TMED10: variants seen among roughly 807,000 people sequenced by gnomAD.
The protein encoded by TMED10 is transmembrane emp24 domain-containing protein 10.
TMED10 carries 7 observed loss-of-function variants against 23.1 expected under a neutral mutation model. The observed-to-expected ratio is 0.30, with a 90% CI of 0.17 to 0.57. The LOEUF (loss-of-function observed/expected upper bound fraction) is 0.57, where lower values mean the gene tolerates loss of function less well. Ranked by LOEUF, TMED10 falls within the 20% of genes least tolerant of loss-of-function variation. The probability of loss-of-function intolerance (pLI) is 0.91; values close to 1 mark genes in which losing one functional copy is unlikely to be tolerated. For synonymous variants in TMED10, 113 were observed against 106.9 expected (o/e 1.06, Z -0.35); for missense variants, 162 against 274.8 (o/e 0.59, Z 2.90).
chr14:75,152,511 A>G (rs1459583974), intron 1 of TMED10, among the ~76,000 whole-genome samples: 2 of 152,254 alleles, frequency 1.3e-5, no homozygotes, highest in African/African-American at 4.8e-5. Flanking sequence ...GTAGACAATT[A>G]TCAAAAGATT....
chr14:75,172,434 C>A (rs1485312888), intron 1 of TMED10, among the ~76,000 whole-genome samples: 1 of 151,922 alleles, frequency 6.6e-6, no homozygotes, highest in East Asian at 1.9e-4. Context: ...CAGCCTAGAG[C>A]AGCTGGGATT....
At chr14:75,152,740 AAAG>A (rs2139844359) in intron 1 of TMED10, among the ~76,000 whole-genome samples, 1 of 152,324 alleles carries the variant, frequency 6.6e-6, no homozygotes, top group Non-Finnish European at 1.5e-5. Context: ...AGGAAACAAA[AAAG>A]AAGTTTCTGG....
chr14:75,154,401 C>CGAAAAAAAAAAAAA (rs1246155366), intron 1 of TMED10, among the ~76,000 whole-genome samples: 1 of 15,252 alleles, frequency 6.6e-5, no homozygotes, highest in African/African-American at 2.4e-4. Context: ...GACTCTGTCT[C>CGAAAAAAAAAAAAA]AAAAAAAAAA....
At chr14:75,135,667 G>A in intron 4 of TMED10, 93 bp downstream of exon 4, 1 of 1,537,084 alleles carries the variant, frequency 6.5e-7, no homozygotes, top group East Asian at 2.3e-5. Flanking sequence ...ACCCACCTTG[G>A]CAAAACTGAG....
intron 3 of TMED10, chr14:75,139,066 A>G (rs974441633): frequency 2.4e-6 from 1 of 425,086 alleles, no homozygotes; most frequent in African/African-American, 2.1e-5. Context: ...TATAAACCAA[A>G]AGTCTACCTT....
intron 2 of TMED10, among the ~76,000 whole-genome samples, chr14:75,150,293 C>A (rs997525673): frequency 6.6e-6 from 1 of 152,148 alleles, no homozygotes; most frequent in Non-Finnish European, 1.5e-5. Flanking sequence ...TTCTGTTCTC[C>A]CAAATCCAAT....
rs768736493 is a variant in TMED10, at chr14:75,152,153, G to T, written c.226-10C>A. ...CAGCAGAATCTGTGATCTAAAATAAGAAAAGTAGTAAGAATAGGCAGCAAA... is the reference window on the plus strand; with the variant it reads ...CAGCAGAATCTGTGATCTAAAATAATAAAAGTAGTAAGAATAGGCAGCAAA... On this transcript the variant is annotated splice_polypyrimidine_tract_variant and intron_variant, in intron 1 of 4. Transcript: ENST00000303575. The T allele has an allele frequency of 2.3e-5, 37 of 1,608,094 alleles. 1 individual carries two copies. In the South Asian group the frequency reaches 4.1e-4, roughly 18 times the overall value.
At chr14:75,140,384 C>G (rs1895807373) in intron 3 of TMED10, among the ~76,000 whole-genome samples, 1 of 151,434 alleles carries the variant, frequency 6.6e-6, no homozygotes, top group South Asian at 2.1e-4. Flanking sequence ...CAGGCGTGAG[C>G]CACTGGGCCT....
chr14:75,151,782 T>TGTATCCAC (rs1378603417), intron 2 of TMED10, among the ~76,000 whole-genome samples: 1 of 152,216 alleles, frequency 6.6e-6, no homozygotes. Flanking sequence ...TATAATGACA[T>TGTATCCAC]GTATCCACTA....
chr14:75,174,035 G>A lies in TMED10; in HGVS notation c.225+2320C>T, dbSNP rs1482750626. Among the ~76,000 whole-genome samples the A allele has an allele frequency of 2.6e-5, 4 of 152,042 alleles. No individual in the cohort carries two copies. In the East Asian group the frequency reaches 7.7e-4, roughly 29 times the overall value. ...CATGACCCACCAAGCCCGGCCTAAA[G>A]TCCTGCTGTTGAGGTGCCTTCAGCA... On this transcript the variant is annotated intron_variant, in intron 1 of 4. Coordinates refer to ENST00000303575, the MANE Select transcript of TMED10 (RefSeq NM_006827.6).
chr14:75,167,796 G>A (rs1425350002), intron 1 of TMED10, among the ~76,000 whole-genome samples: 1 of 152,070 alleles, frequency 6.6e-6, no homozygotes, highest in Non-Finnish European at 1.5e-5. Flanking sequence ...AGCGAGCTAT[G>A]ATCATGCCAC....
In TMED10 at chr14:75,147,740, G is replaced by A; in HGVS notation, c.338-3C>T. The A allele has an allele frequency of 6.2e-7, 1 of 1,614,022 alleles. No individual in the cohort carries two copies. The highest frequency in any genetic ancestry group is 8.5e-7 in the Non-Finnish European group (1 of 1,180,004). On this transcript the variant is annotated splice_polypyrimidine_tract_variant and splice_region_variant and intron_variant, in intron 2 of 4. Transcript: ENST00000303575. ...TTGGTCAGGTATCCGCCCTGTTCCT[G>A]AGAAAGAAATCAAAGGAATCATTGT...
intron 1 of TMED10, among the ~76,000 whole-genome samples, chr14:75,169,791 C>G (rs1259116643): frequency 6.6e-6 from 1 of 152,154 alleles, no homozygotes; most frequent in Non-Finnish European, 1.5e-5. Flanking sequence ...GAAATATGAC[C>G]AAAGACAAGA....
intron 1 of TMED10, among the ~76,000 whole-genome samples, chr14:75,157,489 A>G (rs771157359): frequency 2.5e-4 from 38 of 151,966 alleles, no homozygotes; most frequent in Non-Finnish European, 5.9e-5. Context: ...CCGTCTCTAC[A>G]AAAAATAAAA....
intron 1 of TMED10, among the ~76,000 whole-genome samples, chr14:75,161,904 C>T (rs1896089629): frequency 6.6e-6 from 1 of 151,394 alleles, no homozygotes; most frequent in Non-Finnish European, 1.5e-5. Context: ...CCAATAAAAG[C>T]AACCAGGGCT....
chr14:75,155,661 G>A (rs547150837), intron 1 of TMED10, among the ~76,000 whole-genome samples: 2 of 152,290 alleles, frequency 1.3e-5, no homozygotes, highest in African/African-American at 4.8e-5. Context: ...ATGCACAAGT[G>A]CCATGGGATT....
intron 1 of TMED10, among the ~76,000 whole-genome samples, chr14:75,156,061 T>G (rs1896016031): frequency 6.6e-6 from 1 of 152,090 alleles, no homozygotes; most frequent in African/African-American, 2.4e-5. Context: ...TAAGCTTCAT[T>G]TAGTACAAAG....
intron 1 of TMED10, among the ~76,000 whole-genome samples, chr14:75,154,435 T>C (rs1394384340): frequency 1.3e-4 from 8 of 62,886 alleles, no homozygotes; most frequent in Non-Finnish European, 2.4e-4. Context: ...AAAAAAGGCA[T>C]GTATCACTGG....
At position 75,176,338 on chromosome 14, in the gene TMED10, G is replaced by C; in HGVS notation, c.225+17C>G. 1 of 1,613,282 alleles carries C rather than the reference G, an allele frequency of 6.2e-7. No individual in the cohort carries two copies. The highest frequency in any genetic ancestry group is 2.2e-5 in the East Asian group (1 of 44,870). On this transcript the variant is annotated intron_variant, in intron 1 of 4. Coordinates refer to ENST00000303575, the MANE Select transcript of TMED10 (RefSeq NM_006827.6). Reference sequence around the variant, plus strand: ...CTGCCGTCTTCCCTCCCGGCCCCACGTCGCCCAATGCCGCACCTTGAGGTG... The same window carrying C: ...CTGCCGTCTTCCCTCCCGGCCCCACCTCGCCCAATGCCGCACCTTGAGGTG...
Sources: gnomAD v4.1 joint callset for allele counts (sites outside exome capture counted in the v4.1 genomes callset) on GRCh38, gnomAD v4.1.1 for gene constraint, MANE v1.5 for transcripts, NCBI Gene and HGNC (gene_info 2026-07-23, HGNC 2026-07-21) for gene names.